The following ZFAND3 variants were observed in gnomAD, a reference collection of about 807,000 sequenced individuals.
ZFAND3 encodes the protein zinc finger AN1-type containing 3, also known as AN1-type zinc finger protein 3.
A neutral mutation model predicts 29.6 loss-of-function variants in ZFAND3; 10 were observed. That is an observed-to-expected ratio of 0.34 (90% CI 0.21 to 0.57). ZFAND3 has a LOEUF of 0.57. ZFAND3 is among the 20% of genes least tolerant of loss of function. The pLI is 0.86. For missense variants in ZFAND3, 230 were observed against 304.5 expected, an observed-to-expected ratio of 0.76 and a Z score of 1.82; for synonymous variants, 128 against 112.6, an observed-to-expected ratio of 1.14 and a Z score of -0.87.
At chr6:37,822,218 T>G (rs1763680154) in intron 1 of ZFAND3, among the ~76,000 whole-genome samples, 1 of 152,264 alleles carries the variant, frequency 6.6e-6, no homozygotes, top group Non-Finnish European at 1.5e-5. Flanking sequence ...ACTAATGTTG[T>G]ACTTGACCTA....
intron 2 of ZFAND3, among the ~76,000 whole-genome samples, chr6:38,021,104 C>T (rs1763341249): frequency 6.6e-6 from 1 of 152,156 alleles, no homozygotes. Context: ...TAGTAAAATT[C>T]AACAATTCAG....
chr6:38,007,211 C>T (rs918356433), intron 2 of ZFAND3, among the ~76,000 whole-genome samples: 8 of 152,152 alleles, frequency 5.3e-5, no homozygotes, highest in Non-Finnish European at 8.8e-5. Flanking sequence ...TTGTCCTTCT[C>T]ATTTAACTAT....
chr6:38,025,303 A>G (rs899303947), intron 2 of ZFAND3, among the ~76,000 whole-genome samples: 6 of 152,224 alleles, frequency 3.9e-5, no homozygotes, highest in African/African-American at 7.2e-5. Context: ...ATACTTTTTC[A>G]TAATTACTGG....
At chr6:37,923,847 TAATAA>T (rs1274559494) in intron 1 of ZFAND3, among the ~76,000 whole-genome samples, 1 of 152,198 alleles carries the variant, frequency 6.6e-6, no homozygotes, top group Non-Finnish European at 1.5e-5. Context: ...GTATGAAGCA[TAATAA>T]AATGAACACC....
intron 1 of ZFAND3, among the ~76,000 whole-genome samples, chr6:37,864,826 G>T (rs1434127391): frequency 6.6e-6 from 1 of 152,028 alleles, no homozygotes; most frequent in Non-Finnish European, 1.5e-5. Context: ...ATTCCTGGGG[G>T]ATTGATTCCA....
chr6:38,122,637 G>T (rs1765557885), intron 5 of ZFAND3, among the ~76,000 whole-genome samples: 1 of 152,010 alleles, frequency 6.6e-6, no homozygotes, highest in South Asian at 2.1e-4. Context: ...CCCCAATCCT[G>T]GAATCAGCCA....
At chr6:37,978,253 C>T (rs983552744) in intron 2 of ZFAND3, among the ~76,000 whole-genome samples, 1 of 152,102 alleles carries the variant, frequency 6.6e-6, no homozygotes, top group Admixed American at 6.6e-5. Flanking sequence ...ATTAATTACA[C>T]TGGTTGGGTT....
chr6:37,865,934 A>G (rs1364866207), intron 1 of ZFAND3, among the ~76,000 whole-genome samples: 1 of 152,124 alleles, frequency 6.6e-6, no homozygotes, highest in Non-Finnish European at 1.5e-5. Flanking sequence ...TAGCTGCTTT[A>G]CTTAATTTCT....
chr6:37,962,158 T>C (rs1025193457), intron 2 of ZFAND3, among the ~76,000 whole-genome samples: 1 of 152,174 alleles, frequency 6.6e-6, no homozygotes, highest in African/African-American at 2.4e-5. Context: ...ATTTGAAAGA[T>C]TGAAATAACA....
chr6:37,960,998 C>T (rs1762185184), intron 2 of ZFAND3, among the ~76,000 whole-genome samples: 1 of 152,036 alleles, frequency 6.6e-6, no homozygotes, highest in South Asian at 2.1e-4. Flanking sequence ...TTGCTTGAGC[C>T]TGGGATATTG....
chr6:37,927,318 T>C (rs111709690), intron 1 of ZFAND3, among the ~76,000 whole-genome samples: 4 of 152,268 alleles, frequency 2.6e-5, no homozygotes, highest in African/African-American at 7.2e-5. Flanking sequence ...TGCTGGGCAA[T>C]TGGGAGTAGC....
At chr6:38,047,170 A>T (rs891953645) in intron 2 of ZFAND3, among the ~76,000 whole-genome samples, 6 of 151,934 alleles carry the variant, frequency 3.9e-5, no homozygotes, top group South Asian at 2.1e-4. Flanking sequence ...TACGAAAATT[A>T]GCTGAGTGGT....
intron 2 of ZFAND3, among the ~76,000 whole-genome samples, chr6:38,032,639 A>G (rs574435409): frequency 2.0e-5 from 3 of 152,362 alleles, no homozygotes; most frequent in African/African-American, 7.2e-5. Flanking sequence ...TCATCTCTTT[A>G]TTAAAAGCTA....
intron 2 of ZFAND3, among the ~76,000 whole-genome samples, chr6:37,962,309 C>G (rs1762211171): frequency 6.6e-6 from 1 of 151,782 alleles, no homozygotes; most frequent in Non-Finnish European, 1.5e-5. Flanking sequence ...TGCAGTCAGG[C>G]AAAAGAAAAA....
intron 1 of ZFAND3, among the ~76,000 whole-genome samples, chr6:37,832,100 C>T (rs1295189545): frequency 2.6e-5 from 4 of 152,126 alleles, no homozygotes; most frequent in African/African-American, 9.7e-5. Flanking sequence ...TAAAACAAAA[C>T]ACTTGTAATT....
chr6:37,895,079 A>AC (rs1765174330), intron 1 of ZFAND3, among the ~76,000 whole-genome samples: 1 of 152,092 alleles, frequency 6.6e-6, no homozygotes, highest in African/African-American at 2.4e-5. Flanking sequence ...TTCTGCCATT[A>AC]TTTCTTCAAA....
chr6:37,893,073 G>T (rs1015815944), intron 1 of ZFAND3, among the ~76,000 whole-genome samples: 1 of 151,830 alleles, frequency 6.6e-6, no homozygotes, highest in Admixed American at 6.6e-5. Flanking sequence ...ACACACACAC[G>T]TTTAGGAGGA....
At chr6:38,118,644 CAGG>C (rs370510797) in intron 5 of ZFAND3, among the ~76,000 whole-genome samples, 3 of 150,176 alleles carry the variant, frequency 2.0e-5, no homozygotes, top group African/African-American at 7.4e-5. Context: ...GTCAGGCAAA[CAGG>C]AGATTTCACA....
At chr6:37,822,024 G>A (rs992936556) in intron 1 of ZFAND3, among the ~76,000 whole-genome samples, 7 of 152,134 alleles carry the variant, frequency 4.6e-5, no homozygotes, top group African/African-American at 1.7e-4. Flanking sequence ...TAGGAGAGAC[G>A]GGATTTTGCC....
Sources: gnomAD v4.1 joint callset for allele counts (sites outside exome capture counted in the v4.1 genomes callset) on GRCh38, gnomAD v4.1.1 for gene constraint, MANE v1.5 for transcripts, NCBI Gene and HGNC (gene_info 2026-07-23, HGNC 2026-07-21) for gene names.